EYS: variants seen among roughly 807,000 people sequenced by gnomAD.
EYS encodes the protein protein eyes shut homolog.
Under a neutral mutation model 282.1 loss-of-function variants are expected in EYS, and 250 were observed. That is an observed-to-expected ratio of 0.89 (90% CI 0.80 to 0.98). The LOEUF (loss-of-function observed/expected upper bound fraction) is 0.98, where lower values mean the gene tolerates loss of function less well. Among genes scored for constraint, EYS ranks in the 50% least tolerant of loss-of-function variants. The pLI, the probability that EYS is intolerant of heterozygous loss-of-function variation, is 0.00. For missense variants in EYS, 4,016 were observed against 3,709.0 expected, an observed-to-expected ratio of 1.08 and a Z score of -2.15; for synonymous variants, 1,355 against 1,282.9, an observed-to-expected ratio of 1.06 and a Z score of -1.20.
chr6:64,962,584 GA>G (rs974505995), intron 14 of EYS, among the ~76,000 whole-genome samples: 4 of 149,938 alleles, frequency 2.7e-5, no homozygotes, highest in Admixed American at 6.7e-5. Context: ...AAAAAGAAAA[GA>G]AAAAAAAAGC....
chr6:64,998,630 G>C (rs1335525666), intron 13 of EYS, among the ~76,000 whole-genome samples: 2 of 152,084 alleles, frequency 1.3e-5, no homozygotes, highest in Non-Finnish European at 2.9e-5. Context: ...CCTTAGACAG[G>C]ATTTTACTTC....
intron 7 of EYS, among the ~76,000 whole-genome samples, chr6:65,386,287 G>A (rs1765801097): frequency 6.6e-6 from 1 of 151,784 alleles, no homozygotes; most frequent in Non-Finnish European, 1.5e-5. Flanking sequence ...TGACCCAAAG[G>A]CGGAGGACTA....
intron 12 of EYS, among the ~76,000 whole-genome samples, chr6:65,284,891 A>C (rs1268758444): frequency 6.6e-6 from 1 of 152,098 alleles, no homozygotes; most frequent in Non-Finnish European, 1.5e-5. Flanking sequence ...GCATGTTTAC[A>C]TAGTGTTCAT....
rs746482699 is a variant in EYS at position 65,344,054 on chromosome 6, T to C, written c.1583A>G (p.His528Arg). 6.2e-7 allele frequency: 1 copy of C among 1,610,726 alleles called. No individual in the cohort carries two copies. Among genetic ancestry groups the C allele is most frequent in the South Asian group, 1.1e-5 (1 of 91,006 alleles). The change falls in exon 10 of 43, where the codon CAT becomes CGT. Residue 528 changes from histidine to arginine, a missense_variant. Physicochemically the swap from His to Arg is conservative, Grantham distance 29. Coordinates refer to ENST00000503581, the MANE Select transcript of EYS (RefSeq NM_001142800.2). Reference sequence around the variant, plus strand: ...TTACCTTACCTCTTTTGTGCCTTCATGTGGGAACCAACATGAAGAATTATT... The same window carrying C: ...TTACCTTACCTCTTTTGTGCCTTCACGTGGGAACCAACATGAAGAATTATT... Reference protein sequence around the residue: ...EDNNSSCWFPHEGTKEICANG... With the variant: ...EDNNSSCWFPREGTKEICANG...
intron 22 of EYS, among the ~76,000 whole-genome samples, chr6:64,735,661 C>T (rs190243213): frequency 1.5e-3 from 225 of 152,116 alleles, no homozygotes; most frequent in African/African-American, 5.1e-3. Context: ...ATTATTGAAA[C>T]CTTAATGGTA....
intron 22 of EYS, among the ~76,000 whole-genome samples, chr6:64,728,276 T>A (rs1017442901): frequency 4.0e-5 from 6 of 151,694 alleles, no homozygotes; most frequent in Non-Finnish European, 5.9e-5. Context: ...AAAAAAAAAA[T>A]GTAAACTAAT....
chr6:63,812,734 C>T (rs573551586), intron 36 of EYS, among the ~76,000 whole-genome samples: 5 of 152,106 alleles, frequency 3.3e-5, no homozygotes, highest in African/African-American at 1.2e-4. Context: ...TCTTAAGTGA[C>T]TAACTATTCT....
At chr6:63,844,584 A>G (rs550424670) in intron 36 of EYS, among the ~76,000 whole-genome samples, 2 of 148,036 alleles carry the variant, frequency 1.4e-5, no homozygotes, top group South Asian at 4.3e-4. Flanking sequence ...TGTGGTTTTG[A>G]TTTGCATTTC....
chr6:64,756,882 G>A (rs961398660), intron 22 of EYS, among the ~76,000 whole-genome samples: 2 of 140,718 alleles, frequency 1.4e-5, no homozygotes, highest in African/African-American at 5.4e-5. Context: ...CAAAGCATCA[G>A]TGCTTTTTTT....
intron 22 of EYS, among the ~76,000 whole-genome samples, chr6:64,743,677 T>A (rs532951177): frequency 1.3e-5 from 2 of 152,268 alleles, no homozygotes; most frequent in South Asian, 4.1e-4. Flanking sequence ...TATAAATTCA[T>A]TGATTTAAAT....
intron 19 of EYS, among the ~76,000 whole-genome samples, chr6:64,859,751 T>C (rs1283375223): frequency 6.6e-6 from 1 of 152,212 alleles, no homozygotes; most frequent in African/African-American, 2.4e-5. Context: ...CTCTTTCTTT[T>C]GTAATTTGCC....
intron 12 of EYS, among the ~76,000 whole-genome samples, chr6:65,210,762 G>A (rs912238858): frequency 7.9e-5 from 12 of 151,926 alleles, no homozygotes; most frequent in African/African-American, 2.9e-4. Context: ...CATGAAGAAC[G>A]TAGATAATTT....
intron 16 of EYS, among the ~76,000 whole-genome samples, chr6:64,906,698 C>T (rs1767837145): frequency 6.6e-6 from 1 of 152,146 alleles, no homozygotes; most frequent in South Asian, 2.1e-4. Context: ...GGCATCTTTG[C>T]CACATTTTAA....
At chr6:65,666,497 T>C (rs1313655865) in intron 1 of EYS, among the ~76,000 whole-genome samples, 2 of 151,866 alleles carry the variant, frequency 1.3e-5, no homozygotes, top group Non-Finnish European at 3.0e-5. Flanking sequence ...CTAATTACTG[T>C]AGTAATTAAA....
intron 26 of EYS, among the ~76,000 whole-genome samples, chr6:64,449,821 C>G (rs1775257518): frequency 6.6e-6 from 1 of 152,134 alleles, no homozygotes; most frequent in African/African-American, 2.4e-5. Flanking sequence ...GATTTTGTCA[C>G]CACCAGACCT....
At chr6:65,444,873 G>T (rs1487844048) in intron 5 of EYS, among the ~76,000 whole-genome samples, 1 of 151,826 alleles carries the variant, frequency 6.6e-6, no homozygotes, top group Non-Finnish European at 1.5e-5. Context: ...AATATATTGC[G>T]CTTCCATTTC....
intron 41 of EYS, among the ~76,000 whole-genome samples, chr6:63,733,859 T>C (rs1193607088): frequency 2.0e-5 from 3 of 152,228 alleles, no homozygotes; most frequent in Middle Eastern, 3.4e-3. Flanking sequence ...CTCCATCTTA[T>C]AAGGCAGTAA....
chr6:65,531,739 C>T (rs911169386), intron 2 of EYS, among the ~76,000 whole-genome samples: 7 of 152,134 alleles, frequency 4.6e-5, no homozygotes, highest in African/African-American at 1.7e-4. Flanking sequence ...GAGCAGTAAT[C>T]AACAGGTGCC....
chr6:63,721,847 T>A, intron 42 of EYS, 50 bp from the exon 43 acceptor site: 1 of 1,480,204 alleles, frequency 6.8e-7, no homozygotes, highest in Non-Finnish European at 9.0e-7. Context: ...AAAGTTTCCA[T>A]TGAAAACTTT....
Sources: allele counts gnomAD v4.1 joint callset (sites outside exome capture counted in the v4.1 genomes callset), GRCh38; gene constraint gnomAD v4.1.1; transcripts MANE v1.5; gene names NCBI Gene and HGNC (gene_info 2026-07-23, HGNC 2026-07-21).